MADD: variants seen among roughly 807,000 people sequenced by gnomAD.
MADD encodes the protein MAP kinase activating death domain, also known as MAP kinase-activating death domain protein.
A neutral mutation model predicts 176.7 loss-of-function variants in MADD; 109 were observed. The observed-to-expected ratio is 0.62, with a 90% CI of 0.53 to 0.72. The LOEUF is 0.72. MADD is among the 30% of genes least tolerant of loss of function. The probability of loss-of-function intolerance (pLI) is 0.00; values close to 1 mark genes in which losing one functional copy is unlikely to be tolerated. For synonymous variants in MADD, 771 were observed against 771.3 expected (o/e 1.00, Z 0.01); for missense variants, 1,914 against 2,045.5 (o/e 0.94, Z 1.24).
upstream of MADD, chr11:47,269,757 G>C (rs547318304): frequency 2.0e-5 from 3 of 152,036 alleles, no homozygotes; most frequent in South Asian, 2.1e-4. Flanking sequence ...GCGCGTGAGT[G>C]GGGGGTGGGG....
At chr11:47,308,673 G>C (rs755092231) in exon 23 of MADD, 4 of 1,613,892 alleles carry the variant, frequency 2.5e-6, no homozygotes, top group Non-Finnish European at 3.4e-6. Flanking sequence ...GTGAGCCAGC[G>C]AGTCTATCTC....
chr11:47,310,907 C>CAA lies in MADD; in HGVS notation c.3979-810_3979-809dup, dbSNP rs34331746. ...GGGCAACAAGAGCGAAAATCCATCT[C>CAA]AAAAAAAAAAAAAAAAGAAATGATG... On this transcript the variant is annotated intron_variant, in intron 25 of 32. Transcript: ENST00000402192. 8.2e-3 allele frequency among the ~76,000 whole-genome samples: 1,076 copies of CAA among 131,058 alleles called. 7 individuals are homozygous for CAA. The highest frequency in any genetic ancestry group is 0.013 in the Non-Finnish European group (793 of 61,630). 86.0% of individuals were successfully genotyped at this position (131,058 alleles called of 152,430 possible).
At chr11:47,284,146 T>G in intron 10 of MADD, 32 bp from the exon 11 acceptor site, 3 of 1,459,694 alleles carry the variant, frequency 2.1e-6, no homozygotes, top group Non-Finnish European at 2.9e-6. Context: ...CCCTTTCTGT[T>G]TTGTTTGTTT....
chr11:47,297,469 T>C (rs2073584360), intron 22 of MADD, among the ~76,000 whole-genome samples: 1 of 150,942 alleles, frequency 6.6e-6, no homozygotes, highest in Non-Finnish European at 1.5e-5. Context: ...TTTTTTGAGA[T>C]GGAGTCTCGC....
Position 47,324,148 on chromosome 11 carries a change from A to C in MADD, c.4363-117A>C. 3 of 819,648 alleles carry C rather than the reference A, an allele frequency of 3.7e-6. No individual in the cohort carries two copies. In the South Asian group the frequency reaches 4.4e-5, roughly 12 times the overall value. 50.8% of individuals were successfully genotyped at this position (819,648 alleles called of 1,614,324 possible). A position where few individuals can be genotyped will look rare whatever the true frequency, so the allele number is the denominator to read the frequency against. On this transcript the variant is annotated intron_variant, in intron 28 of 32. Transcript: ENST00000402192. ...AATAAGACATCCGAAAAATAGGAGGACTACTTAAAATTTTACCCCTCACTT... is the reference window on the plus strand; with the variant it reads ...AATAAGACATCCGAAAAATAGGAGGCCTACTTAAAATTTTACCCCTCACTT...
chr11:47,303,816 C>T (rs2080110581), intron 22 of MADD, among the ~76,000 whole-genome samples: 1 of 151,470 alleles, frequency 6.6e-6, no homozygotes, highest in South Asian at 2.1e-4. Context: ...CCGTGTTGGT[C>T]AGGCTGGTCT....
chr11:47,328,702 A>G (rs1469758795), exon 32 of MADD: 3 of 1,614,208 alleles, frequency 1.9e-6, no homozygotes, highest in South Asian at 1.1e-5. Context: ...CAAGACACCA[A>G]TGGTGAGTGT....
chr11:47,295,459 T>TA, intron 20 of MADD, 37 bp from the exon 23 acceptor site: 1 of 1,512,384 alleles, frequency 6.6e-7, no homozygotes, highest in Non-Finnish European at 9.2e-7. Flanking sequence ...GAGAGGAGAT[T>TA]GGACACCTCC....
At chr11:47,272,710 T>G (rs2045835086) in intron 1 of MADD, among the ~76,000 whole-genome samples, 2 of 152,340 alleles carry the variant, frequency 1.3e-5, no homozygotes, top group South Asian at 4.1e-4. Context: ...CCATGAAAGC[T>G]TTTCCTAATT....
At chr11:47,288,059 T>G (rs1357268752) in intron 15 of MADD, among the ~76,000 whole-genome samples, 4 of 152,176 alleles carry the variant, frequency 2.6e-5, no homozygotes, top group African/African-American at 4.8e-5. Context: ...AGGGTTGGGA[T>G]TACAGGCGTG....
intron 10 of MADD, among the ~76,000 whole-genome samples, chr11:47,283,574 T>C (rs549565925): frequency 6.6e-6 from 1 of 152,062 alleles, no homozygotes; most frequent in Non-Finnish European, 1.5e-5. Context: ...CTAATTTTTG[T>C]ATATATATAT....
chr11:47,328,625 T>A (rs144394954), intron 31 of MADD, 33 bp from the exon 36 acceptor site: 2 of 1,614,112 alleles, frequency 1.2e-6, no homozygotes, highest in Admixed American at 3.3e-5. Context: ...AGTGTTGAAC[T>A]TTCTGTTTTG....
chr11:47,292,735 G>C, intron 19 of MADD, 139 bp downstream of exon 21: 1 of 758,560 alleles, frequency 1.3e-6, no homozygotes, highest in South Asian at 1.5e-5. Context: ...CAGGTAGGTA[G>C]CATGTGACTC....
intron 15 of MADD, among the ~76,000 whole-genome samples, chr11:47,288,067 G>A (rs1374706485): frequency 1.3e-5 from 2 of 152,160 alleles, no homozygotes; most frequent in African/African-American, 4.8e-5. Flanking sequence ...GATTACAGGC[G>A]TGAGCCACCG....
intron 22 of MADD, among the ~76,000 whole-genome samples, chr11:47,301,020 C>T (rs72903821): frequency 1.2e-3 from 168 of 139,410 alleles, no homozygotes; most frequent in Middle Eastern, 3.8e-3. Context: ...GGTCTTTTCA[C>T]TCTCTCTCTT....
intron 23 of MADD, 61 bp downstream of exon 25, chr11:47,308,760 G>A (rs1028758079): frequency 8.0e-6 from 11 of 1,367,398 alleles, no homozygotes; most frequent in East Asian, 2.3e-5. Flanking sequence ...CAGGGGAGAG[G>A]GTCACACTGA....
intron 31 of MADD, chr11:47,327,017 G>A: frequency 1.5e-6 from 2 of 1,326,470 alleles, no homozygotes; most frequent in Non-Finnish European, 1.9e-6. Flanking sequence ...AGAGCAAATG[G>A]GGCCTCAGGT....
intron 19 of MADD, among the ~76,000 whole-genome samples, chr11:47,291,800 C>T (rs2065543566): frequency 6.6e-6 from 1 of 152,208 alleles, no homozygotes; most frequent in African/African-American, 2.4e-5. Context: ...GTCTCTTCAT[C>T]TGGGAAATGA....
At chr11:47,273,766 T>A (rs191032080) in intron 1 of MADD, 61 bp from the exon 2 acceptor site, 2 of 624,326 alleles carry the variant, frequency 3.2e-6, no homozygotes, top group East Asian at 5.6e-5. Context: ...GGGAAGAAGT[T>A]GAGAGGGATG....
Sources: gnomAD v4.1 joint callset for allele counts (sites outside exome capture counted in the v4.1 genomes callset) on GRCh38, gnomAD v4.1.1 for gene constraint, MANE v1.5 for transcripts, NCBI Gene and HGNC (gene_info 2026-07-23, HGNC 2026-07-21) for gene names.